Variants in HIBCH observed in about 807,000 individuals in gnomAD.
HIBCH encodes the protein 3-hydroxyisobutyryl-CoA hydrolase, mitochondrial.
HIBCH carries 50 observed loss-of-function variants against 58.2 expected under a neutral mutation model. The observed-to-expected ratio is 0.86, with a 90% CI of 0.68 to 1.09. HIBCH has a LOEUF of 1.09. Among genes scored for constraint, HIBCH ranks in the 50% least tolerant of loss-of-function variants. HIBCH has a pLI of 0.00. For missense variants in HIBCH, 450 were observed against 449.7 expected, an observed-to-expected ratio of 1.00 and a Z score of -0.01; for synonymous variants, 151 against 146.9, an observed-to-expected ratio of 1.03 and a Z score of -0.20.
chr2:190,240,950 T>C (rs1203483810), intron 11 of HIBCH, among the ~76,000 whole-genome samples: 1 of 152,248 alleles, frequency 6.6e-6, no homozygotes, highest in Non-Finnish European at 1.5e-5. Context: ...ACGTATATTA[T>C]GTTGATTTGG....
chr2:190,268,266 C>T (rs1425540903), intron 6 of HIBCH, among the ~76,000 whole-genome samples: 2 of 152,258 alleles, frequency 1.3e-5, no homozygotes, highest in East Asian at 3.9e-4. Context: ...GCTATCTTAA[C>T]CCTTCTGTGC....
At chr2:190,314,381 GTA>G (rs1481027227) in intron 1 of HIBCH, among the ~76,000 whole-genome samples, 3 of 77,430 alleles carry the variant, frequency 3.9e-5, no homozygotes, top group East Asian at 2.3e-4. Context: ...GTATATATGT[GTA>G]TATATATGTA....
intron 11 of HIBCH, among the ~76,000 whole-genome samples, chr2:190,225,918 C>T (rs1559019831): frequency 6.6e-6 from 1 of 152,152 alleles, no homozygotes; most frequent in Non-Finnish European, 1.5e-5. Context: ...AAAGCTTATC[C>T]ACCATGATCA....
At chr2:190,193,293 C>T (rs1433228451) in intron 1 of HIBCH, among the ~76,000 whole-genome samples, 1 of 151,994 alleles carries the variant, frequency 6.6e-6, no homozygotes, top group Non-Finnish European at 1.5e-5. Flanking sequence ...TGGTATAAAT[C>T]CACTCAGTCA....
intron 7 of HIBCH, chr2:190,260,414 A>G (rs548873265): frequency 6.6e-6 from 1 of 152,220 alleles, no homozygotes; most frequent in African/African-American, 2.4e-5. Context: ...ATGAAGAATT[A>G]TATCTTGCCC....
intron 2 of HIBCH, among the ~76,000 whole-genome samples, chr2:190,305,380 C>A (rs536271991): frequency 2.5e-4 from 38 of 152,256 alleles, no homozygotes; most frequent in African/African-American, 7.0e-4. Context: ...AGGGAAGGAA[C>A]TATCCTAGGC....
chr2:190,221,038 CAATT>C (rs1685704375), intron 11 of HIBCH, among the ~76,000 whole-genome samples: 1 of 152,204 alleles, frequency 6.6e-6, no homozygotes, highest in Non-Finnish European at 1.5e-5. Context: ...AGTTGGTTAT[CAATT>C]AATTTTATAA....
chr2:190,297,530 A>AT (rs549163437), intron 2 of HIBCH, among the ~76,000 whole-genome samples: 83 of 152,370 alleles, frequency 5.4e-4, no homozygotes, highest in African/African-American at 2.0e-3. Flanking sequence ...GGTAGGCAGA[A>AT]TAAGTAGTTT....
intron 1 of HIBCH, among the ~76,000 whole-genome samples, chr2:190,194,475 TATACAC>T (rs1358753429): frequency 6.5e-4 from 82 of 126,910 alleles, no homozygotes; most frequent in African/African-American, 1.9e-3. Flanking sequence ...GTATCCTGTG[TATACAC>T]ACACACACAC....
chr2:190,253,036 A>C (rs1309086291), intron 7 of HIBCH, among the ~76,000 whole-genome samples: 2 of 152,106 alleles, frequency 1.3e-5, no homozygotes, highest in Non-Finnish European at 2.9e-5. Context: ...TAAAATTCCA[A>C]AAATCAGCCG....
chr2:190,212,001 C>A (rs1202663189), intron 12 of HIBCH, among the ~76,000 whole-genome samples: 1 of 152,128 alleles, frequency 6.6e-6, no homozygotes, highest in Non-Finnish European at 1.5e-5. Flanking sequence ...GTTTCATATG[C>A]CATATCTCTG....
intron 8 of HIBCH, 112 bp from the exon 9 acceptor site, chr2:190,249,838 G>C: frequency 1.4e-6 from 1 of 737,752 alleles, no homozygotes; most frequent in Non-Finnish European, 2.4e-6. Flanking sequence ...TTATGAAGCT[G>C]TCTCTTCAGG....
At chr2:190,307,618 A>G (rs1688445491) in intron 2 of HIBCH, among the ~76,000 whole-genome samples, 1 of 152,186 alleles carries the variant, frequency 6.6e-6, no homozygotes, top group South Asian at 2.1e-4. Flanking sequence ...ACAGTAAGCT[A>G]ATGTCACTAC....
At chr2:190,256,432 C>T (rs1472700776) in intron 7 of HIBCH, among the ~76,000 whole-genome samples, 4 of 145,568 alleles carry the variant, frequency 2.7e-5, no homozygotes, top group African/African-American at 1.1e-4. Context: ...TGGACCACTG[C>T]TCCAATTCTG....
chr2:190,286,414 A>C (rs1484809611), intron 6 of HIBCH, among the ~76,000 whole-genome samples: 1 of 152,126 alleles, frequency 6.6e-6, no homozygotes, highest in Non-Finnish European at 1.5e-5. Context: ...ACTTTGATTA[A>C]ACAAATTTGT....
At chr2:190,264,249 C>T (rs2582763) in intron 6 of HIBCH, among the ~76,000 whole-genome samples, 42,115 of 151,328 alleles carry the variant, frequency 0.28, 6,359 homozygotes, top group East Asian at 0.45. Flanking sequence ...TCCCCTCCAG[C>T]AAGCCACACG....
At chr2:190,228,555 AAAAG>A (rs1274363650) in intron 11 of HIBCH, among the ~76,000 whole-genome samples, 1 of 137,102 alleles carries the variant, frequency 7.3e-6, no homozygotes, top group Non-Finnish European at 1.6e-5. Context: ...TAATTAAAAA[AAAAG>A]AGAGAGAGAG....
At chr2:190,195,948 T>C (rs1434702989) in intron 1 of HIBCH, among the ~76,000 whole-genome samples, 7 of 150,270 alleles carry the variant, frequency 4.7e-5, no homozygotes, top group Middle Eastern at 3.4e-3. Flanking sequence ...CAGCTTTTTT[T>C]TTTTTTTTTT....
chr2:190,218,280 T>A (rs1431465951), intron 11 of HIBCH, among the ~76,000 whole-genome samples: 1 of 152,034 alleles, frequency 6.6e-6, no homozygotes, highest in Non-Finnish European at 1.5e-5. Context: ...GCCAGCTGAG[T>A]CATTCTTCTG....
Sources: gnomAD v4.1 joint callset for allele counts (sites outside exome capture counted in the v4.1 genomes callset) on GRCh38, gnomAD v4.1.1 for gene constraint, MANE v1.5 for transcripts, NCBI Gene and HGNC (gene_info 2026-07-23, HGNC 2026-07-21) for gene names.